XDH: variants seen among roughly 807,000 people sequenced by gnomAD.
XDH encodes xanthine dehydrogenase/oxidase.
In XDH, 138 loss-of-function variants were observed where a neutral mutation model predicts 156.1. The ratio of observed to expected loss-of-function variants is 0.88; its 90% confidence interval spans 0.77 to 1.02. The LOEUF (loss-of-function observed/expected upper bound fraction) is 1.02. XDH is among the 50% of genes least tolerant of loss of function. The pLI is 0.00. For synonymous variants in XDH, 669 were observed against 625.7 expected, an observed-to-expected ratio of 1.07 and a Z score of -1.03; for missense variants, 1,849 against 1,684.9, an observed-to-expected ratio of 1.10 and a Z score of -1.71.
chr2:31,366,752 G>A (rs1006512312), intron 21 of XDH, 118 bp downstream of exon 21: 19 of 1,522,872 alleles, frequency 1.2e-5, no homozygotes, highest in African/African-American at 1.2e-4. Flanking sequence ...TATGACACTC[G>A]AGTACCCTCT....
chr2:31,383,080 G>C lies in XDH; in HGVS notation c.959C>G (p.Pro320Arg), dbSNP rs200384255. The part of the protein sequence containing the change: ...KTLVDAVAKL[P>R]AQKTEVFRGV... ...TCTGAACACCTCTGTCTTTTGGGCA[G>C]GAAGCTTAGCAACAGCATCCACCAG... Residue 320 changes from proline (P) to arginine (R), a missense_variant, in exon 11 of 36, where the codon CCT becomes CGT. Coordinates refer to ENST00000379416, the MANE Select transcript of XDH (RefSeq NM_000379.4). 8.6e-5 allele frequency: 139 copies of C among 1,614,088 alleles called. No individual in the cohort carries two copies. The highest frequency in any genetic ancestry group is 1.0e-4 in the Non-Finnish European group (121 of 1,180,054).
At chr2:31,382,880 C>T (rs1686475420) in intron 11 of XDH, 121 bp downstream of exon 11, 1 of 1,449,304 alleles carries the variant, frequency 6.9e-7, no homozygotes, top group African/African-American at 1.4e-5. Flanking sequence ...CTGCTCCTCC[C>T]AGGCAACTCT....
At chr2:31,345,412 T>C (rs1008532186) in intron 30 of XDH, among the ~76,000 whole-genome samples, 3 of 152,210 alleles carry the variant, frequency 2.0e-5, no homozygotes, top group Non-Finnish European at 2.9e-5. Flanking sequence ...CCTTGGACTA[T>C]ATAATGTGCT....
At position 31,383,049 on chromosome 2, in the gene XDH, G is replaced by C. The variant is rs751838816; in HGVS notation, c.990C>G (p.Val330=). 1 of 1,614,106 alleles carries C rather than the reference G, an allele frequency of 6.2e-7. No individual in the cohort carries two copies. Among genetic ancestry groups the C allele is most frequent in the African/African-American group, 1.3e-5 (1 of 75,008 alleles). ...CAGCAAACCAGCGCAGCTGCTCCAG[G>C]ACCCCTCTGAACACCTCTGTCTTTT... ...PAQKTEVFRG[V]LEQLRWFAGK... Residue 330 remains valine, a synonymous_variant, in exon 11 of 36, where the codon GTC becomes GTG. Transcript: ENST00000379416.
intron 6 of XDH, among the ~76,000 whole-genome samples, chr2:31,392,697 A>T (rs1686800104): frequency 1.3e-5 from 2 of 152,320 alleles, no homozygotes; most frequent in South Asian, 4.1e-4. Flanking sequence ...TGCTGGGATT[A>T]CAGGCATGAG....
At chr2:31,340,244 C>T (rs1164077271) in intron 33 of XDH, among the ~76,000 whole-genome samples, 1 of 152,236 alleles carries the variant, frequency 6.6e-6, no homozygotes, top group African/African-American at 2.4e-5. Flanking sequence ...AAGAAACCGA[C>T]TGGCAATCAT....
chr2:31,350,666 T>C (rs1239009992), intron 24 of XDH, among the ~76,000 whole-genome samples: 1 of 152,192 alleles, frequency 6.6e-6, no homozygotes, highest in Non-Finnish European at 1.5e-5. Context: ...GAGCCCAGCC[T>C]GCGGCAGCAT....
rs117835111 is a variant in XDH at position 31,344,394 on chromosome 2, A to G, written c.3404+290T>C. Among the ~76,000 whole-genome samples, 143 of 152,334 alleles carry G rather than the reference A, an allele frequency of 9.4e-4. 2 individuals carry two copies. In the East Asian group the frequency reaches 0.012, roughly 13 times the overall value. On this transcript the variant is annotated intron_variant, in intron 31 of 35. Coordinates refer to ENST00000379416, the MANE Select transcript of XDH (RefSeq NM_000379.4). ...ACGTCACCCATGAGGAAACAGGGGA[A>G]CAGGTTCAGCAGGACCACTGACTTC...
In XDH at chr2:31,405,953, T is replaced by C; in HGVS notation, c.54A>G (p.Lys18=). ...AAAGGGTTGTCTCTGGATCTGCATT[T>C]TTCTCCACCACCTATTAAAATAAAT... ...FFVNGRKVVE[K]NADPETTLLA... The change falls in exon 2 of 36, where the codon AAA becomes AAG. Residue 18 remains lysine (K), a synonymous_variant. Coordinates refer to ENST00000379416, the MANE Select transcript of XDH (RefSeq NM_000379.4). 6.2e-7 allele frequency: 1 copy of C among 1,614,180 alleles called. No homozygotes were observed. Among genetic ancestry groups the C allele is most frequent in the Non-Finnish European group, 8.5e-7 (1 of 1,180,024 alleles).
chr2:31,337,862 C>G (rs1457162167), intron 34 of XDH, 45 bp from the exon 35 acceptor site: 17 of 1,600,464 alleles, frequency 1.1e-5, no homozygotes, highest in Admixed American at 1.7e-5. Flanking sequence ...GCAGGTGGTC[C>G]TGCCTCCACA....
chr2:31,387,192 C>T (rs1019638310), intron 8 of XDH, among the ~76,000 whole-genome samples: 26 of 152,194 alleles, frequency 1.7e-4, no homozygotes, highest in Admixed American at 1.1e-3. Context: ...GCTGCAAAGC[C>T]ATTCTCTCTG....
chr2:31,352,170 T>TC (rs1685500658), intron 24 of XDH, among the ~76,000 whole-genome samples: 1 of 152,298 alleles, frequency 6.6e-6, no homozygotes, highest in Non-Finnish European at 1.5e-5. Context: ...CTCTATTTTT[T>TC]CACATTGTTT....
chr2:31,396,190 C>T (rs1686898516), intron 6 of XDH, among the ~76,000 whole-genome samples: 1 of 152,232 alleles, frequency 6.6e-6, no homozygotes, highest in Non-Finnish European at 1.5e-5. Context: ...TCTTGCTCTG[C>T]TCTGCACTGC....
At chr2:31,366,778 T>C (rs1320671536) in intron 21 of XDH, 92 bp downstream of exon 21, 1 of 1,601,782 alleles carries the variant, frequency 6.2e-7, no homozygotes, top group East Asian at 2.2e-5. Context: ...AGCCCACATC[T>C]CCCTCTTCCT....
chr2:31,357,629 C>T (rs1572524564), intron 24 of XDH, among the ~76,000 whole-genome samples: 1 of 141,554 alleles, frequency 7.1e-6, no homozygotes, highest in African/African-American at 2.4e-5. Flanking sequence ...ATCTAGCATA[C>T]AGTAGAACAA....
At chr2:31,398,764 C>G (rs760036476) in intron 4 of XDH, 65 bp from the exon 5 acceptor site, 277 of 1,605,666 alleles carry the variant, frequency 1.7e-4, no homozygotes, top group Non-Finnish European at 2.3e-4. Flanking sequence ...CCAAAGGACT[C>G]GACTGGAGCC....
chr2:31,372,158 G>C (rs1572538729), intron 17 of XDH, 70 bp downstream of exon 17: 1 of 1,611,464 alleles, frequency 6.2e-7, no homozygotes, highest in Admixed American at 1.7e-5. Context: ...CAGGGTGAGA[G>C]AAGTCTCCTG....
chr2:31,403,325 G>C (rs544790668), intron 2 of XDH, among the ~76,000 whole-genome samples, 181 bp from the exon 3 acceptor site: 14 of 152,190 alleles, frequency 9.2e-5, no homozygotes, highest in African/African-American at 3.4e-4. Context: ...TGCACCCTAG[G>C]GAGGCAGGGA....
At chr2:31,365,348 TACAGATAGGCAAAAAGTAGGAGTGC>T in intron 23 of XDH, 84 bp downstream of exon 23, 1 of 1,185,010 alleles carries the variant, frequency 8.4e-7, no homozygotes, top group South Asian at 1.2e-5. Context: ...TTTGAACTTC[TACAGATAGGCAAAAAGTAGGAGTGC>T]AGCTCAGGAT....
Sources: allele counts gnomAD v4.1 joint callset (sites outside exome capture counted in the v4.1 genomes callset), GRCh38; gene constraint gnomAD v4.1.1; transcripts MANE v1.5; gene names NCBI Gene and HGNC (gene_info 2026-07-23, HGNC 2026-07-21).